Variants in MMP17 observed in about 807,000 individuals in gnomAD.
MMP17 encodes the protein matrix metallopeptidase 17.
A neutral mutation model predicts 49.1 loss-of-function variants in MMP17; 54 were observed. The observed-to-expected ratio is 1.10, with a 90% CI of 0.88 to 1.38. The LOEUF (loss-of-function observed/expected upper bound fraction) is 1.38, where lower values mean the gene tolerates loss of function less well. MMP17 is among the 40% of genes most tolerant of loss of function. The pLI, the probability that MMP17 is intolerant of heterozygous loss-of-function variation, is 0.00. For missense variants in MMP17, 837 were observed against 853.7 expected, an observed-to-expected ratio of 0.98 and a Z score of 0.24; for synonymous variants, 397 against 383.1, an observed-to-expected ratio of 1.04 and a Z score of -0.42.
chr12:131,839,661 GAC>G (rs980984355), intron 3 of MMP17, among the ~76,000 whole-genome samples: 2 of 152,072 alleles, frequency 1.3e-5, no homozygotes, highest in Admixed American at 1.3e-4. Context: ...TTTTACTAGA[GAC>G]AGGGCTGGGC....
At chr12:131,842,641 C>T (rs897139934) in intron 5 of MMP17, among the ~76,000 whole-genome samples, 1 of 151,862 alleles carries the variant, frequency 6.6e-6, no homozygotes, top group African/African-American at 2.4e-5. Flanking sequence ...GATATGGTAG[C>T]AGGTGCCTGT....
At chr12:131,845,712 G>T (rs1056802233) in intron 8 of MMP17, among the ~76,000 whole-genome samples, 5 of 152,196 alleles carry the variant, frequency 3.3e-5, no homozygotes, top group Non-Finnish European at 5.9e-5. Flanking sequence ...CAGTCCACCC[G>T]CAAGTCAGGA....
chr12:131,844,002 C>A lies in MMP17; in HGVS notation c.889C>A (p.Arg297=). The change falls in exon 6 of 10, where the codon CGG becomes AGG. Residue 297 remains arginine, a synonymous_variant. Transcript: ENST00000360564. ...KVRVWQLYGV[R]ESVSPTAQPE... Reference sequence around the variant, plus strand: ...CTCCTCCTTGTCTCCCGCAGGTGTGCGGGAGTCTGTGTCTCCCACGGCGCA... The same window carrying A: ...CTCCTCCTTGTCTCCCGCAGGTGTGAGGGAGTCTGTGTCTCCCACGGCGCA... 1 of 1,558,090 alleles carries A rather than the reference C, an allele frequency of 6.4e-7. No homozygotes were observed. Among genetic ancestry groups the A allele is most frequent in the South Asian group, 1.2e-5 (1 of 84,954 alleles).
At chr12:131,833,885 G>A (rs935470935) in intron 1 of MMP17, among the ~76,000 whole-genome samples, 8 of 152,344 alleles carry the variant, frequency 5.3e-5, no homozygotes, top group Admixed American at 3.3e-4. Flanking sequence ...GCCCGGGGAC[G>A]GGGCCTGCAC....
At chr12:131,830,064 C>T (rs1268366441) in intron 1 of MMP17, among the ~76,000 whole-genome samples, 2 of 152,218 alleles carry the variant, frequency 1.3e-5, no homozygotes, top group East Asian at 3.9e-4. Context: ...AACCCAGGCC[C>T]GCCTTCCAGG....
intron 8 of MMP17, among the ~76,000 whole-genome samples, chr12:131,847,651 C>T (rs1209213378): frequency 6.6e-6 from 1 of 152,236 alleles, no homozygotes; most frequent in Non-Finnish European, 1.5e-5. Flanking sequence ...GCATCTCCTC[C>T]AGATCAGGTT....
At chr12:131,844,268 G>C (rs886330663) in intron 6 of MMP17, 187 bp downstream of exon 6, 2 of 592,940 alleles carry the variant, frequency 3.4e-6, no homozygotes, top group Non-Finnish European at 5.9e-6. Context: ...CCTGCCAGGG[G>C]TCCTGCACAG....
chr12:131,832,515 G>A (rs917341208), intron 1 of MMP17, among the ~76,000 whole-genome samples: 1 of 152,182 alleles, frequency 6.6e-6, no homozygotes, highest in African/African-American at 2.4e-5. Flanking sequence ...AGCAGATCCC[G>A]TGGGACGCTT....
intron 1 of MMP17, among the ~76,000 whole-genome samples, chr12:131,834,567 C>T (rs1002400602): frequency 6.6e-6 from 1 of 152,044 alleles, no homozygotes; most frequent in African/African-American, 2.4e-5. Flanking sequence ...GGGCCCCCAC[C>T]CCAGCGGCCA....
At chr12:131,837,940 G>T in intron 1 of MMP17, 1 of 364,422 alleles carries the variant, frequency 2.7e-6, no homozygotes, top group Non-Finnish European at 5.0e-6. Context: ...TCCATCTCCT[G>T]ACCTCATGAT....
chr12:131,845,018 G>A lies in MMP17; in HGVS notation c.969-100G>A. 5 of 1,209,034 alleles carry A rather than the reference G, an allele frequency of 4.1e-6. No homozygotes were observed. The South Asian group carries it at 4.9e-5, about 12-fold the overall frequency. 74.9% of individuals were successfully genotyped at this position (1,209,034 alleles called of 1,614,324 possible). A position where few individuals can be genotyped will look rare whatever the true frequency, so the allele number is the denominator to read the frequency against. ...AAGGATAGGGGCTCCACACAAGGAT[G>A]CCTGTCCCATGCCGCTCAGGTCAGG... is the stretch of plus-strand genomic sequence containing the variant. On this transcript the variant is annotated intron_variant, in intron 6 of 9. Coordinates refer to ENST00000360564, the MANE Select transcript of MMP17 (RefSeq NM_016155.7).
At chr12:131,847,283 G>C (rs1412051149) in intron 8 of MMP17, among the ~76,000 whole-genome samples, 1 of 151,428 alleles carries the variant, frequency 6.6e-6, no homozygotes, top group Non-Finnish European at 1.5e-5. Context: ...CGTGGTGGCG[G>C]GCACCTGTTG....
intron 8 of MMP17, among the ~76,000 whole-genome samples, chr12:131,847,086 G>A (rs1887739496): frequency 6.6e-6 from 1 of 150,956 alleles, no homozygotes; most frequent in Non-Finnish European, 1.5e-5. Flanking sequence ...ACTCCAGCCT[G>A]GGCGACAGAG....
chr12:131,841,724 C>T lies in MMP17; in HGVS notation c.807C>T (p.Tyr269=). Residue 269 remains tyrosine, a synonymous_variant, in exon 5 of 10, where the codon TAC becomes TAT. Transcript: ENST00000360564. ...CTGCACACTCCATCATGCGGCCGTA[C>T]TACCAGGGCCCGGTGGGTGACCCGC... ...VAAAHSIMRP[Y]YQGPVGDPLR... is the part of the protein sequence containing the mutation. The T allele has an allele frequency of 6.2e-7, 1 of 1,613,762 alleles. No individual in the cohort carries two copies. Among genetic ancestry groups the T allele is most frequent in the African/African-American group, 1.3e-5 (1 of 75,054 alleles).
In MMP17 at chr12:131,828,423, G is replaced by A. The variant is rs1170730693; in HGVS notation, c.-72G>A. ...GGCGGGGGCGCCGCGGAGAGCGGAGGGCGCCGGGCTGCGGAACGCGAAGCG... is the reference window on the plus strand; with the variant it reads ...GGCGGGGGCGCCGCGGAGAGCGGAGAGCGCCGGGCTGCGGAACGCGAAGCG... On this transcript the variant is annotated 5_prime_UTR_variant, in exon 1 of 10. Coordinates refer to ENST00000360564, the MANE Select transcript of MMP17 (RefSeq NM_016155.7). 14 of 879,430 alleles carry A rather than the reference G, an allele frequency of 1.6e-5. No individual in the cohort carries two copies. The highest frequency in any genetic ancestry group is 1.3e-4 in the African/African-American group (7 of 54,852). The allele number at this position is 879,430 out of a possible 1,614,324, so 54.5% of individuals were successfully genotyped here.
intron 1 of MMP17, among the ~76,000 whole-genome samples, chr12:131,829,583 C>T (rs1267834385): frequency 6.6e-6 from 1 of 152,230 alleles, no homozygotes; most frequent in Non-Finnish European, 1.5e-5. Flanking sequence ...GGCCTCCCCG[C>T]CCCACACAAG....
chr12:131,840,719 C>T lies in MMP17; in HGVS notation c.569C>T (p.Ser190Phe), dbSNP rs1887350017. 3 of 1,604,762 alleles carry T rather than the reference C, an allele frequency of 1.9e-6. No homozygotes were observed. The highest frequency in any genetic ancestry group is 2.5e-6 in the Non-Finnish European group (3 of 1,179,926). ...GCCGCCGACATCCAGATCGACTTCT[C>T]CAAGGCCGACCATAACGACGGCTAC... is the stretch of plus-strand genomic sequence containing the variant. Reference protein sequence around the residue: ...GSAADIQIDFSKADHNDGYPF... With the variant: ...GSAADIQIDFFKADHNDGYPF... Residue 190 changes from serine to phenylalanine, a missense_variant, in exon 4 of 10, where the codon TCC becomes TTC. By Grantham distance (155) the Ser-to-Phe change is radical. Coordinates refer to ENST00000360564, the MANE Select transcript of MMP17 (RefSeq NM_016155.7).
chr12:131,847,791 C>T (rs1887785256), intron 8 of MMP17, among the ~76,000 whole-genome samples: 2 of 152,254 alleles, frequency 1.3e-5, no homozygotes. Flanking sequence ...CATAAAGCCC[C>T]ATTTCTGGGT....
chr12:131,828,629 C>G lies in MMP17; in HGVS notation c.135C>G (p.Arg45=). The stretch of plus-strand genomic sequence containing the variant: ...GCGCCGCGCCCGCACCCGCGCCGCG[C>G]GCCGAGGACCTCAGCCTGGGAGTGG... ...GGCAAPAPAP[R]AEDLSLGVEW... is the part of the protein sequence containing the mutation. Residue 45 remains arginine (R), a synonymous_variant, in exon 1 of 10, where the codon CGC becomes CGG. Coordinates refer to ENST00000360564, the MANE Select transcript of MMP17 (RefSeq NM_016155.7). 1.4e-6 allele frequency: 1 copy of G among 731,126 alleles called. No homozygotes were observed. Among genetic ancestry groups the G allele is most frequent in the Non-Finnish European group, 1.7e-6 (1 of 577,064 alleles). 45.3% of individuals were successfully genotyped at this position (731,126 alleles called of 1,614,324 possible).
Sources: gnomAD v4.1 joint callset for allele counts (sites outside exome capture counted in the v4.1 genomes callset) on GRCh38, gnomAD v4.1.1 for gene constraint, MANE v1.5 for transcripts, NCBI Gene and HGNC (gene_info 2026-07-23, HGNC 2026-07-21) for gene names.